CSMD1: variants seen among roughly 807,000 people sequenced by gnomAD.
The protein encoded by CSMD1 is CUB and sushi domain-containing protein 1.
CSMD1 carries 213 observed loss-of-function variants against 417.5 expected under a neutral mutation model. That is an observed-to-expected ratio of 0.51 (90% CI 0.46 to 0.57). The LOEUF (loss-of-function observed/expected upper bound fraction) is 0.57. CSMD1 is among the 20% of genes least tolerant of loss of function. The pLI is 0.00. For missense variants in CSMD1, 6,923 were observed against 4,529.7 expected (o/e 1.53, Z -15.17); for synonymous variants, 2,862 against 1,736.8 (o/e 1.65, Z -16.11).
In CSMD1 at chr8:3,108,691, G is replaced by C. The variant is rs755072803; in HGVS notation, c.6666C>G (p.Leu2222=). Residue 2222 remains leucine, a synonymous_variant, in exon 44 of 70, where the codon CTC becomes CTG. Coordinates refer to ENST00000635120, the MANE Select transcript of CSMD1 (RefSeq NM_033225.6). ...GGTTGGTGGAGCTATACGCCGTTTC[G>C]AGGGCTGTGTTGCCACTGAAAACTC... ...QLGVFSGNTA[L]ETAYSSTNQV... 6.8e-6 allele frequency: 11 copies of C among 1,613,458 alleles called. No individual in the cohort carries two copies. Among genetic ancestry groups the C allele is most frequent in the South Asian group, 1.1e-5 (1 of 90,946 alleles).
At chr8:4,438,228 A>AC (rs374412927) in intron 2 of CSMD1, among the ~76,000 whole-genome samples, 17 of 152,170 alleles carry the variant, frequency 1.1e-4, no homozygotes, top group African/African-American at 3.9e-4. Context: ...AATAATCTCA[A>AC]CCCAAGCCGT....
chr8:4,380,536 C>G (rs188636411), intron 3 of CSMD1, among the ~76,000 whole-genome samples: 1 of 152,118 alleles, frequency 6.6e-6, no homozygotes, highest in Non-Finnish European at 1.5e-5. Context: ...GGAGACGTGA[C>G]GACTAAATGC....
chr8:3,897,234 A>G (rs1458552741), intron 5 of CSMD1, among the ~76,000 whole-genome samples: 2 of 152,130 alleles, frequency 1.3e-5, no homozygotes, highest in East Asian at 3.9e-4. Context: ...GACACAGCCT[A>G]CCCTTTCTAC....
intron 1 of CSMD1, among the ~76,000 whole-genome samples, chr8:4,647,071 T>C (rs540164092): frequency 2.6e-5 from 4 of 152,226 alleles, no homozygotes; most frequent in South Asian, 4.1e-4. Context: ...CAAAGTCAGT[T>C]CTTAAGGGGT....
At chr8:3,415,453 A>G (rs2922085) in intron 12 of CSMD1, among the ~76,000 whole-genome samples, 151,304 of 152,344 alleles carry the variant, frequency 0.99, 75,144 homozygotes, top group Middle Eastern at 1. Flanking sequence ...TACCTCCCGG[A>G]TTCAAGAGAT....
chr8:4,873,764 T>C (rs1802874447), intron 1 of CSMD1, among the ~76,000 whole-genome samples: 1 of 152,132 alleles, frequency 6.6e-6, no homozygotes, highest in East Asian at 1.9e-4. Context: ...GCACCTATTT[T>C]ATAGAAAGTA....
chr8:4,227,291 T>G (rs971485842), intron 3 of CSMD1, among the ~76,000 whole-genome samples: 1 of 152,172 alleles, frequency 6.6e-6, no homozygotes. Flanking sequence ...CCCCTCGGTC[T>G]GCCTTGGGGG....
At chr8:3,109,748 C>T (rs1023244787) in intron 43 of CSMD1, among the ~76,000 whole-genome samples, 9 of 151,874 alleles carry the variant, frequency 5.9e-5, no homozygotes, top group African/African-American at 1.9e-4. Context: ...ACACACAACA[C>T]GCACACACAC....
At chr8:3,438,500 C>G (rs1461311195) in intron 12 of CSMD1, among the ~76,000 whole-genome samples, 1 of 152,174 alleles carries the variant, frequency 6.6e-6, no homozygotes, top group Admixed American at 6.5e-5. Context: ...TGTAGAAATG[C>G]ATGTGACCTT....
chr8:3,762,335 C>G (rs1164621898), intron 5 of CSMD1, among the ~76,000 whole-genome samples: 1 of 152,104 alleles, frequency 6.6e-6, no homozygotes, highest in East Asian at 1.9e-4. Context: ...CTTTAAATTT[C>G]AGATCATGTG....
At chr8:4,989,755 C>T (rs543473494) in intron 1 of CSMD1, among the ~76,000 whole-genome samples, 21 of 152,282 alleles carry the variant, frequency 1.4e-4, no homozygotes, top group African/African-American at 4.6e-4. Flanking sequence ...ATGCCATTTG[C>T]ATTTTGACAG....
chr8:4,880,727 T>G (rs575671833), intron 1 of CSMD1, among the ~76,000 whole-genome samples: 2 of 152,042 alleles, frequency 1.3e-5, no homozygotes, highest in Non-Finnish European at 2.9e-5. Flanking sequence ...ATCCCACGTG[T>G]CCATGATAAG....
chr8:4,753,214 G>A (rs1242340040), intron 1 of CSMD1, among the ~76,000 whole-genome samples: 1 of 152,030 alleles, frequency 6.6e-6, no homozygotes, highest in Non-Finnish European at 1.5e-5. Flanking sequence ...TCCCCATGAT[G>A]AGCTCATTTG....
intron 7 of CSMD1, among the ~76,000 whole-genome samples, chr8:3,694,494 G>A (rs1275584846): frequency 6.6e-6 from 1 of 152,120 alleles, no homozygotes; most frequent in African/African-American, 2.4e-5. Flanking sequence ...ATCTGGGAAA[G>A]CATGTGCATA....
intron 29 of CSMD1, among the ~76,000 whole-genome samples, chr8:3,217,329 C>G (rs1342893707): frequency 4.6e-5 from 7 of 152,210 alleles, no homozygotes; most frequent in African/African-American, 1.4e-4. Flanking sequence ...GTTAGATGGC[C>G]ATACCGGTTA....
At chr8:4,456,137 A>T (rs1770305610) in intron 2 of CSMD1, among the ~76,000 whole-genome samples, 1 of 150,570 alleles carries the variant, frequency 6.6e-6, no homozygotes, top group African/African-American at 2.4e-5. Context: ...CCAAATGCTG[A>T]GAGGGTTAAC....
At chr8:3,651,679 T>C (rs1180816764) in intron 7 of CSMD1, among the ~76,000 whole-genome samples, 1 of 152,136 alleles carries the variant, frequency 6.6e-6, no homozygotes, top group African/African-American at 2.4e-5. Flanking sequence ...ACTATCACTG[T>C]ACTTAACACC....
chr8:3,606,719 T>C (rs1425111943), intron 8 of CSMD1, among the ~76,000 whole-genome samples: 1 of 151,950 alleles, frequency 6.6e-6, no homozygotes, highest in East Asian at 1.9e-4. Flanking sequence ...TACAATTTTT[T>C]TTTTTTTTTT....
chr8:3,679,155 T>G (rs1799526579), intron 7 of CSMD1, among the ~76,000 whole-genome samples: 1 of 152,074 alleles, frequency 6.6e-6, no homozygotes, highest in African/African-American at 2.4e-5. Context: ...GCTAACATCA[T>G]AATGACAGGA....
Sources: gnomAD v4.1 joint callset for allele counts (sites outside exome capture counted in the v4.1 genomes callset) on GRCh38, gnomAD v4.1.1 for gene constraint, MANE v1.5 for transcripts, NCBI Gene and HGNC (gene_info 2026-07-23, HGNC 2026-07-21) for gene names.